The following LRRC4C variants were observed in gnomAD, a reference collection of about 807,000 sequenced individuals.
LRRC4C encodes leucine-rich repeat-containing protein 4C.
Under a neutral mutation model 33.6 loss-of-function variants are expected in LRRC4C, and 5 were observed. The ratio of observed to expected loss-of-function variants is 0.15; its 90% confidence interval spans 0.08 to 0.31. The LOEUF (loss-of-function observed/expected upper bound fraction) is 0.31, where lower values mean the gene tolerates loss of function less well. Among genes scored for constraint, LRRC4C ranks in the 10% least tolerant of loss-of-function variants. The pLI is 1.00. For missense variants in LRRC4C, 560 were observed against 796.7 expected (o/e 0.70, Z 3.58); for synonymous variants, 329 against 302.0 (o/e 1.09, Z -0.93).
intron 2 of LRRC4C, among the ~76,000 whole-genome samples, chr11:40,723,732 CA>C (rs1182837374): frequency 1.3e-5 from 2 of 152,118 alleles, no homozygotes; most frequent in Non-Finnish European, 2.9e-5. Context: ...CTAACACCAT[CA>C]TGACAGGAGA....
At chr11:40,582,877 T>A (rs1192400425) in intron 3 of LRRC4C, among the ~76,000 whole-genome samples, 1 of 152,174 alleles carries the variant, frequency 6.6e-6, no homozygotes, top group Non-Finnish European at 1.5e-5. Flanking sequence ...GTACATGATA[T>A]GTTTTGATAC....
chr11:40,618,439 T>C (rs1962089913), intron 3 of LRRC4C, among the ~76,000 whole-genome samples: 1 of 100,162 alleles, frequency 1.0e-5, no homozygotes, highest in Non-Finnish European at 2.1e-5. Flanking sequence ...GATTGCAGAC[T>C]TCTAGACTCC....
chr11:41,275,850 C>G (rs924348790), intron 1 of LRRC4C, among the ~76,000 whole-genome samples: 9 of 152,042 alleles, frequency 5.9e-5, no homozygotes, highest in Admixed American at 2.0e-4. Flanking sequence ...GGAAAAAATG[C>G]AGGTTATCAA....
chr11:40,150,203 G>A (rs1858075302), intron 5 of LRRC4C, among the ~76,000 whole-genome samples: 1 of 152,014 alleles, frequency 6.6e-6, no homozygotes, highest in Non-Finnish European at 1.5e-5. Context: ...CATTGTATTT[G>A]GGGTCCACCT....
At chr11:40,415,480 C>A (rs1011890717) in intron 3 of LRRC4C, among the ~76,000 whole-genome samples, 1 of 152,080 alleles carries the variant, frequency 6.6e-6, no homozygotes, top group Non-Finnish European at 1.5e-5. Context: ...AGCAGACCTG[C>A]AATATGTGAG....
In LRRC4C at chr11:40,897,793, T is replaced by G. The variant is rs1033548736; in HGVS notation, c.-407+35842A>C. On this transcript the variant is annotated intron_variant, in intron 2 of 6. Transcript: ENST00000528697. ...CATTTTAACTGACTGGCCAGATTAA[T>G]CACAACCAGCCTTGATCCCTCTGTA... 2.6e-5 allele frequency among the ~76,000 whole-genome samples: 4 copies of G among 152,104 alleles called. No homozygotes were observed. In the East Asian group the frequency reaches 7.8e-4, roughly 30 times the overall value.
In LRRC4C at chr11:41,384,537, G is replaced by A. The variant is rs148419548; in HGVS notation, c.-496+74894C>T. 4.3e-3 allele frequency among the ~76,000 whole-genome samples: 654 copies of A among 151,502 alleles called. 6 individuals carry two copies. Among genetic ancestry groups the A allele is most frequent in the African/African-American group, 0.014 (576 of 41,460 alleles). On this transcript the variant is annotated intron_variant, in intron 1 of 6. Coordinates refer to ENST00000528697, the MANE Select transcript of LRRC4C (RefSeq NM_001258419.2). ...TGCCAACAAGTTTGTCATTTCTCAA[G>A]GCATTACATATGGTAGAAGAAAATC... is the stretch of plus-strand genomic sequence containing the variant.
chr11:41,183,329 G>A (rs1945538097), intron 1 of LRRC4C, among the ~76,000 whole-genome samples: 1 of 152,166 alleles, frequency 6.6e-6, no homozygotes, highest in Admixed American at 6.5e-5. Context: ...CTATGAGCCT[G>A]TAAAATCAAA....
chr11:40,652,425 G>T (rs962000815), intron 2 of LRRC4C, among the ~76,000 whole-genome samples: 1 of 152,180 alleles, frequency 6.6e-6, no homozygotes. Flanking sequence ...AGAGATACTT[G>T]ATTATTATCT....
intron 1 of LRRC4C, among the ~76,000 whole-genome samples, chr11:41,074,021 AT>A (rs2135440016): frequency 6.6e-6 from 1 of 152,324 alleles, no homozygotes; most frequent in Non-Finnish European, 1.5e-5. Flanking sequence ...TATTCAAGAA[AT>A]GCTATTTCAG....
chr11:41,066,560 C>T (rs1039680543), intron 1 of LRRC4C, among the ~76,000 whole-genome samples: 4 of 151,936 alleles, frequency 2.6e-5, no homozygotes, highest in Non-Finnish European at 5.9e-5. Flanking sequence ...TCAGGAAATA[C>T]AGACACCACT....
At chr11:40,823,653 A>T (rs1952036860) in intron 2 of LRRC4C, among the ~76,000 whole-genome samples, 1 of 151,822 alleles carries the variant, frequency 6.6e-6, no homozygotes, top group Non-Finnish European at 1.5e-5. Context: ...GAAATACCAC[A>T]GCACAGCTTC....
intron 1 of LRRC4C, among the ~76,000 whole-genome samples, chr11:40,934,583 T>C (rs1957784514): frequency 6.6e-6 from 1 of 152,160 alleles, no homozygotes; most frequent in Admixed American, 6.6e-5. Flanking sequence ...AAACACTTTT[T>C]TTTTCACTTG....
At chr11:40,519,332 A>G (rs1205985802) in intron 3 of LRRC4C, among the ~76,000 whole-genome samples, 1 of 152,208 alleles carries the variant, frequency 6.6e-6, no homozygotes, top group Non-Finnish European at 1.5e-5. Context: ...TAAATATTAG[A>G]TAATGTTTTC....
At chr11:41,288,892 T>A (rs1315933470) in intron 1 of LRRC4C, among the ~76,000 whole-genome samples, 3 of 148,310 alleles carry the variant, frequency 2.0e-5, no homozygotes, top group Non-Finnish European at 4.5e-5. Context: ...TTGAATCTCC[T>A]TTTCTAGGGA....
chr11:40,871,060 C>T (rs944518862), intron 2 of LRRC4C, among the ~76,000 whole-genome samples: 1 of 152,100 alleles, frequency 6.6e-6, no homozygotes, highest in African/African-American at 2.4e-5. Context: ...GCCCCAGTCT[C>T]CCGTAGTGCT....
intron 1 of LRRC4C, among the ~76,000 whole-genome samples, chr11:41,318,215 T>C (rs1159551027): frequency 6.6e-6 from 1 of 152,222 alleles, no homozygotes; most frequent in Non-Finnish European, 1.5e-5. Context: ...TACATTAATA[T>C]GTTTACAGTA....
chr11:40,655,863 T>TA lies in LRRC4C; in HGVS notation c.-406-7586dup, dbSNP rs531065768. 3.4e-4 allele frequency among the ~76,000 whole-genome samples: 52 copies of TA among 152,288 alleles called. No homozygotes were observed. The South Asian group carries it at 0.01, about 30-fold the overall frequency. On this transcript the variant is annotated intron_variant, in intron 2 of 6. Coordinates refer to ENST00000528697, the MANE Select transcript of LRRC4C (RefSeq NM_001258419.2). Reference sequence around the variant, plus strand: ...ATGGCTTGGGAGACCTCAGGAAACTTACCATCATTGTGGAAGGTGGAGGGG... The same window carrying TA: ...ATGGCTTGGGAGACCTCAGGAAACTTAACCATCATTGTGGAAGGTGGAGGGG...
At chr11:41,089,594 T>TA (rs5791420) in intron 1 of LRRC4C, among the ~76,000 whole-genome samples, 44 of 149,790 alleles carry the variant, frequency 2.9e-4, no homozygotes, top group South Asian at 2.5e-3. Flanking sequence ...ATAATTTTTG[T>TA]AAAAAAAAAA....
Sources: allele counts gnomAD v4.1 joint callset (sites outside exome capture counted in the v4.1 genomes callset), GRCh38; gene constraint gnomAD v4.1.1; transcripts MANE v1.5; gene names NCBI Gene and HGNC (gene_info 2026-07-23, HGNC 2026-07-21).